GPNMB: variants seen among roughly 807,000 people sequenced by gnomAD.
The protein encoded by GPNMB is transmembrane glycoprotein NMB.
Under a neutral mutation model 57.3 loss-of-function variants are expected in GPNMB, and 71 were observed. That is an observed-to-expected ratio of 1.24 (90% CI 1.02 to 1.51). The LOEUF (loss-of-function observed/expected upper bound fraction) is 1.51. Ranked by LOEUF, GPNMB falls within the 40% of genes most tolerant of loss-of-function variation. The pLI is 0.00. For synonymous variants in GPNMB, 253 were observed against 263.2 expected (o/e 0.96, Z 0.38); for missense variants, 677 against 691.9 (o/e 0.98, Z 0.24).
intron 3 of GPNMB, among the ~76,000 whole-genome samples, chr7:23,254,664 C>T (rs1782735581): frequency 6.6e-6 from 1 of 152,184 alleles, no homozygotes; most frequent in African/African-American, 2.4e-5. Flanking sequence ...CAAAGAATAG[C>T]CAATTTGACA....
In GPNMB at chr7:23,259,721, GCTAA is replaced by G. The variant is rs920071720; in HGVS notation, c.542-256_542-253del. ...AACAGCATTTATTTGTAAACTAAGGGCTAACTGTTTTATGCCACTAAACAGCTTT... is the reference window on the plus strand; with the variant it reads ...AACAGCATTTATTTGTAAACTAAGGGCTGTTTTATGCCACTAAACAGCTTT... On this transcript the variant is annotated intron_variant, in intron 4 of 10. Transcript: ENST00000258733. Among the ~76,000 whole-genome samples, 15 of 152,202 alleles carry G rather than the reference GCTAA, an allele frequency of 9.9e-5. No homozygotes were observed. The East Asian group carries it at 1.5e-3, about 16-fold the overall frequency.
Position 23,256,974 on chromosome 7 carries a change from A to C in GPNMB, c.450A>C (p.Gln150His). The C allele has an allele frequency of 1.9e-6, 3 of 1,614,078 alleles. No homozygotes were observed. Among genetic ancestry groups the C allele is most frequent in the Non-Finnish European group, 2.5e-6 (3 of 1,179,908 alleles). Residue 150 changes from glutamine (Q) to histidine (H), a missense_variant, in exon 4 of 11, where the codon CAA (glutamine) becomes CAC (histidine). Coordinates refer to ENST00000258733, the MANE Select transcript of GPNMB (RefSeq NM_002510.3). The stretch of plus-strand genomic sequence containing the variant: ...GTGACGGGGAAAATGGCACCGGCCA[A>C]AGCCATCATAACGTCTTCCCTGATG... ...EDSDGENGTG[Q>H]SHHNVFPDGK...
At position 23,267,976 on chromosome 7, in the gene GPNMB, C is replaced by A. The variant is rs368572840; in HGVS notation, c.1208C>A (p.Thr403Asn). The change falls in exon 8 of 11, where the codon ACC becomes AAC. Residue 403 changes from threonine (T) to asparagine (N), a missense_variant. Transcript: ENST00000258733. ...PESSLIDFVV[T>N]CQGSIPTEVC... ...AGCTCCCTAATAGACTTTGTCGTGA[C>A]CTGCCAAGGGAGGTGAGTATATTAT... 2.5e-6 allele frequency: 4 copies of A among 1,607,578 alleles called. No homozygotes were observed. In the African/African-American group the frequency reaches 5.4e-5, roughly 22 times the overall value.
chr7:23,271,183 C>T (rs2128485577), intron 9 of GPNMB, among the ~76,000 whole-genome samples: 1 of 152,306 alleles, frequency 6.6e-6, no homozygotes, highest in South Asian at 2.1e-4. Context: ...GGTTTGCACT[C>T]CTATGAGAAT....
At chr7:23,248,932 T>G (rs968555321) in intron 1 of GPNMB, among the ~76,000 whole-genome samples, 4 of 152,064 alleles carry the variant, frequency 2.6e-5, no homozygotes, top group Non-Finnish European at 5.9e-5. Flanking sequence ...CACAGGCACG[T>G]GCCACCACAC....
At chr7:23,265,739 C>T (rs1200815404) in intron 6 of GPNMB, among the ~76,000 whole-genome samples, 1 of 151,804 alleles carries the variant, frequency 6.6e-6, no homozygotes, top group Non-Finnish European at 1.5e-5. Context: ...CATAGTTCAG[C>T]CCCCAGAGGA....
intron 9 of GPNMB, among the ~76,000 whole-genome samples, chr7:23,271,410 T>C (rs1199124352): frequency 6.6e-6 from 1 of 152,244 alleles, no homozygotes; most frequent in African/African-American, 2.4e-5. Flanking sequence ...CATTCACTTA[T>C]AACTCCTTTG....
intron 7 of GPNMB, 57 bp downstream of exon 7, chr7:23,266,672 C>T: frequency 6.5e-7 from 1 of 1,530,066 alleles, no homozygotes; most frequent in Non-Finnish European, 9.0e-7. Flanking sequence ...CTAGGGTCAC[C>T]CACTCTCTCT....
In GPNMB at chr7:23,266,546, A is replaced by G. The variant is rs1441261707; in HGVS notation, c.1048A>G (p.Ser350Gly). Residue 350 changes from serine (S) to glycine (G), a missense_variant, in exon 7 of 11, where the codon AGT becomes GGT. Coordinates refer to ENST00000258733, the MANE Select transcript of GPNMB (RefSeq NM_002510.3). The part of the protein sequence containing the change: ...GPAGDNPLEL[S>G]RIPDENCQIN... ...TGCTGGTGACAACCCCCTGGAGCTG[A>G]GTAGGATTCCTGATGAAAACTGCCA... is the stretch of plus-strand genomic sequence containing the variant. The G allele has an allele frequency of 3.1e-6, 5 of 1,613,586 alleles. No homozygotes were observed. The highest frequency in any genetic ancestry group is 1.3e-5 in the African/African-American group (1 of 74,908).
At chr7:23,250,339 T>C (rs566537947) in intron 1 of GPNMB, among the ~76,000 whole-genome samples, 27 of 152,312 alleles carry the variant, frequency 1.8e-4, no homozygotes, top group African/African-American at 6.5e-4. Context: ...TCTTGCCTAG[T>C]CCTAGATCCT....
chr7:23,268,058 G>T, intron 8 of GPNMB, 70 bp downstream of exon 8: 1 of 890,056 alleles, frequency 1.1e-6, no homozygotes, highest in South Asian at 1.4e-5. Context: ...CAAAGGCATT[G>T]ACCACCAGTT....
chr7:23,255,374 T>C (rs1288998328), intron 3 of GPNMB, among the ~76,000 whole-genome samples: 1 of 152,212 alleles, frequency 6.6e-6, no homozygotes, highest in African/African-American at 2.4e-5. Context: ...TCCAGTTCCA[T>C]CCATGTTGCT....
chr7:23,259,881 A>G, intron 4 of GPNMB, 99 bp from the exon 5 acceptor site: 1 of 1,125,052 alleles, frequency 8.9e-7, no homozygotes, highest in Non-Finnish European at 1.3e-6. Flanking sequence ...TTCCCTCCTC[A>G]GAGCAATCTA....
intron 9 of GPNMB, 99 bp downstream of exon 9, chr7:23,270,274 C>A: frequency 1.4e-6 from 1 of 732,012 alleles, no homozygotes; most frequent in Non-Finnish European, 2.3e-6. Flanking sequence ...ATGTTTAATT[C>A]TATTTCAGTA....
intron 6 of GPNMB, among the ~76,000 whole-genome samples, chr7:23,265,205 A>G (rs980462196): frequency 6.6e-5 from 10 of 152,232 alleles, no homozygotes; most frequent in Non-Finnish European, 2.9e-5. Context: ...CTTTGGGCAC[A>G]GGAAAATCAC....
chr7:23,253,600 A>G (rs1782709272), intron 2 of GPNMB, 141 bp downstream of exon 2: 5 of 654,942 alleles, frequency 7.6e-6, no homozygotes, highest in East Asian at 5.6e-5. Flanking sequence ...AGGCACCTGG[A>G]CTTGGCAATA....
chr7:23,266,570 C>T lies in GPNMB; in HGVS notation c.1072C>T (p.Gln358Ter). The T allele has an allele frequency of 6.2e-7, 1 of 1,613,934 alleles. No individual in the cohort carries two copies. Among genetic ancestry groups the T allele is most frequent in the Non-Finnish European group, 8.5e-7 (1 of 1,179,858 alleles). The change falls in exon 7 of 11, where the codon CAG becomes TAG. Residue 358 changes from glutamine to a stop codon, truncating the protein, a stop_gained. Coordinates refer to ENST00000258733, the MANE Select transcript of GPNMB (RefSeq NM_002510.3). LOFTEE classifies it high-confidence loss of function. ...GAGTAGGATTCCTGATGAAAACTGC[C>T]AGATTAACAGATATGGCCACTTTCA... is the stretch of plus-strand genomic sequence containing the variant. Reference protein sequence around the residue: ...ELSRIPDENCQINRYGHFQAT... With the variant: ...ELSRIPDENC
chr7:23,268,454 G>A (rs527918939), intron 8 of GPNMB, among the ~76,000 whole-genome samples: 3 of 152,228 alleles, frequency 2.0e-5, no homozygotes, highest in African/African-American at 4.8e-5. Flanking sequence ...TAATAGCAAC[G>A]CCTGATAATC....
intron 6 of GPNMB, among the ~76,000 whole-genome samples, chr7:23,262,785 A>AT (rs1221649780): frequency 6.6e-6 from 1 of 150,984 alleles, no homozygotes; most frequent in Non-Finnish European, 1.5e-5. Flanking sequence ...CACCCAGCTA[A>AT]TTTTTTTATT....
Sources: allele counts gnomAD v4.1 joint callset (sites outside exome capture counted in the v4.1 genomes callset), GRCh38; gene constraint gnomAD v4.1.1; transcripts MANE v1.5; gene names NCBI Gene and HGNC (gene_info 2026-07-23, HGNC 2026-07-21).